The following SNX13 variants were observed in gnomAD, a reference collection of about 807,000 sequenced individuals.
The protein encoded by SNX13 is sorting nexin 13.
SNX13 carries 45 observed loss-of-function variants against 133.6 expected under a neutral mutation model. That is an observed-to-expected ratio of 0.34 (90% CI 0.27 to 0.43). The LOEUF is 0.43. Among genes scored for constraint, SNX13 ranks in the 20% least tolerant of loss-of-function variants. The pLI, the probability that SNX13 is intolerant of heterozygous loss-of-function variation, is 1.00. For synonymous variants in SNX13, 414 were observed against 373.9 expected, an observed-to-expected ratio of 1.11 and a Z score of -1.24; for missense variants, 1,032 against 1,145.1, an observed-to-expected ratio of 0.90 and a Z score of 1.43.
chr7:17,819,169 A>C (rs1787002476), intron 18 of SNX13, among the ~76,000 whole-genome samples: 1 of 152,196 alleles, frequency 6.6e-6, no homozygotes, highest in Non-Finnish European at 1.5e-5. Flanking sequence ...GTCTCCATAA[A>C]ATATCAAATA....
At position 17,875,494 on chromosome 7, in the gene SNX13, G is replaced by C; in HGVS notation, c.650C>G (p.Pro217Arg). The part of the protein sequence containing the change: ...EVCRDLVCTS[P>R]KDEEGFLRDL... ...TAAAAGAAAACCTTCTTCATCTTTGGGGGAAGTGCACACTAGATCACGGCA... is the reference window on the plus strand; with the variant it reads ...TAAAAGAAAACCTTCTTCATCTTTGCGGGAAGTGCACACTAGATCACGGCA... Residue 217 changes from proline to arginine, a missense_variant, in exon 7 of 26, where the codon CCC becomes CGC. Pro to Arg is a moderately radical substitution (Grantham distance 103). Coordinates refer to ENST00000428135, the MANE Select transcript of SNX13 (RefSeq NM_015132.5). 6.2e-7 allele frequency: 1 copy of C among 1,605,784 alleles called. No homozygotes were observed. Among genetic ancestry groups the C allele is most frequent in the South Asian group, 1.1e-5 (1 of 90,104 alleles).
At chr7:17,899,473 G>C (rs1373607686) in intron 1 of SNX13, 1 of 151,842 alleles carries the variant, frequency 6.6e-6, no homozygotes, top group East Asian at 1.9e-4. Context: ...CTATTTTCTA[G>C]ATCTTGTAGT....
At chr7:17,939,581 G>A (rs1013727568) in intron 1 of SNX13, among the ~76,000 whole-genome samples, 1 of 152,180 alleles carries the variant, frequency 6.6e-6, no homozygotes, top group African/African-American at 2.4e-5. Context: ...TGATTGGTTC[G>A]TCATAGTTGC....
At chr7:17,884,335 T>C (rs185844088) in intron 5 of SNX13, among the ~76,000 whole-genome samples, 1 of 152,338 alleles carries the variant, frequency 6.6e-6, no homozygotes, top group African/African-American at 2.4e-5. Context: ...AATAGGTGTA[T>C]ATTACTTTAC....
At chr7:17,886,665 C>T (rs148669186) in intron 5 of SNX13, among the ~76,000 whole-genome samples, 38 of 152,128 alleles carry the variant, frequency 2.5e-4, no homozygotes, top group African/African-American at 8.4e-4. Context: ...GATTTACCAC[C>T]CACACTTCAC....
At chr7:17,797,358 C>T (rs1054126308) in intron 24 of SNX13, among the ~76,000 whole-genome samples, 5 of 151,808 alleles carry the variant, frequency 3.3e-5, no homozygotes, top group African/African-American at 1.2e-4. Flanking sequence ...TCCCACTCCT[C>T]TTATAATTAA....
intron 16 of SNX13, among the ~76,000 whole-genome samples, chr7:17,827,813 C>A (rs543172134): frequency 1.3e-5 from 2 of 151,862 alleles, no homozygotes; most frequent in South Asian, 4.1e-4. Flanking sequence ...CTCAAGAAAT[C>A]ATTTTGATAG....
chr7:17,900,461 G>A (rs963744466), intron 1 of SNX13, among the ~76,000 whole-genome samples: 2 of 152,192 alleles, frequency 1.3e-5, no homozygotes, highest in Non-Finnish European at 2.9e-5. Flanking sequence ...GGGTCTGGAG[G>A]TGGAAACCTC....
rs1183453284 is a variant in SNX13 at position 17,791,072 on chromosome 7, A to T, written c.*2973T>A. On this transcript the variant is annotated 3_prime_UTR_variant, in exon 26 of 26. Coordinates refer to ENST00000428135, the MANE Select transcript of SNX13 (RefSeq NM_015132.5). ...GAATTTTCCAAGGAGTGACAAAAAG[A>T]CTTTTAAAACAAGTCCTTAAATAAA... 6.6e-6 allele frequency: 1 copy of T among 152,062 alleles called. No homozygotes were observed. The highest frequency in any genetic ancestry group is 1.5e-5 in the Non-Finnish European group (1 of 67,912). The allele number at this position is 152,062 out of a possible 1,614,324, so 9.4% of individuals were successfully genotyped here.
At chr7:17,887,325 A>T (rs1306858534) in intron 5 of SNX13, among the ~76,000 whole-genome samples, 1 of 152,202 alleles carries the variant, frequency 6.6e-6, no homozygotes, top group East Asian at 1.9e-4. Context: ...TGTCTGCATC[A>T]CACTATAATA....
At chr7:17,796,077 G>T (rs1309074349) in intron 25 of SNX13, 1 of 151,568 alleles carries the variant, frequency 6.6e-6, no homozygotes, top group Non-Finnish European at 1.5e-5. Flanking sequence ...ACAGAGAAAA[G>T]ACATGCAGGC....
At chr7:17,840,071 C>T in intron 12 of SNX13, 71 bp from the exon 13 acceptor site, 1 of 1,313,210 alleles carries the variant, frequency 7.6e-7, no homozygotes, top group Non-Finnish European at 1.0e-6. Flanking sequence ...AGTTTTATGA[C>T]AAGTAAAGAA....
intron 4 of SNX13, among the ~76,000 whole-genome samples, chr7:17,891,038 TAAAC>T (rs1366592593): frequency 6.6e-6 from 1 of 151,900 alleles, no homozygotes; most frequent in Non-Finnish European, 1.5e-5. Context: ...ACAAATCAGA[TAAAC>T]TAAATATTAG....
chr7:17,837,103 C>G (rs989983855), intron 13 of SNX13, among the ~76,000 whole-genome samples: 18 of 151,752 alleles, frequency 1.2e-4, no homozygotes, highest in African/African-American at 4.1e-4. Context: ...TTGTGTCAAT[C>G]CAATGTGAAG....
rs111679365 is a variant in SNX13 at position 17,887,302 on chromosome 7, C to A, written c.440+3061G>T. On this transcript the variant is annotated intron_variant, in intron 5 of 25. Coordinates refer to ENST00000428135, the MANE Select transcript of SNX13 (RefSeq NM_015132.5). ...AGAGATAGAATTATAGATTTTCTGACACAGGCCAAGGCTGTCTGCATCACA... is the reference window on the plus strand; with the variant it reads ...AGAGATAGAATTATAGATTTTCTGAAACAGGCCAAGGCTGTCTGCATCACA... Among the ~76,000 whole-genome samples, 24 of 152,260 alleles carry A rather than the reference C, an allele frequency of 1.6e-4. 2 individuals carry two copies. Among genetic ancestry groups the A allele is most frequent in the African/African-American group, 5.8e-4 (24 of 41,546 alleles).
chr7:17,850,531 T>C, intron 10 of SNX13, 96 bp from the exon 11 acceptor site: 1 of 714,826 alleles, frequency 1.4e-6, no homozygotes, highest in Non-Finnish European at 2.2e-6. Context: ...TAACCAATAA[T>C]ACAGCAACTG....
intron 17 of SNX13, among the ~76,000 whole-genome samples, chr7:17,824,010 T>A (rs2723555): frequency 0.61 from 92,582 of 151,380 alleles, 29,765 homozygotes; most frequent in African/African-American, 0.81. Flanking sequence ...GGTAATTATT[T>A]AAAAAAAATG....
intron 9 of SNX13, among the ~76,000 whole-genome samples, chr7:17,867,477 G>A (rs888763541): frequency 2.0e-5 from 3 of 151,970 alleles, no homozygotes; most frequent in African/African-American, 7.2e-5. Flanking sequence ...ATGTGGTGGT[G>A]CATGCCTGTG....
At chr7:17,865,317 A>C (rs1323672527) in intron 9 of SNX13, among the ~76,000 whole-genome samples, 1 of 152,212 alleles carries the variant, frequency 6.6e-6, no homozygotes, top group Admixed American at 6.5e-5. Context: ...ATACAAAACG[A>C]ACATACAAAA....
Sources: gnomAD v4.1 joint callset for allele counts (sites outside exome capture counted in the v4.1 genomes callset) on GRCh38, gnomAD v4.1.1 for gene constraint, MANE v1.5 for transcripts, NCBI Gene and HGNC (gene_info 2026-07-23, HGNC 2026-07-21) for gene names.